Variants in ACYP2 observed in about 807,000 individuals in gnomAD.
ACYP2 encodes acylphosphatase 2, also known as acylphosphatase-2.
Under a neutral mutation model 11.2 loss-of-function variants are expected in ACYP2, and 12 were observed. That is an observed-to-expected ratio of 1.08 (90% confidence interval 0.69 to 1.74). The LOEUF (loss-of-function observed/expected upper bound fraction) is 1.74. Among genes scored for constraint, ACYP2 ranks in the 40% most tolerant of loss-of-function variants. The pLI is 0.00. For synonymous variants in ACYP2, 43 were observed against 32.2 expected (o/e 1.33, Z -1.13); for missense variants, 134 against 101.9 (o/e 1.31, Z -1.35).
chr2:54,088,396 A>AG (rs1335592275), intron 4 of ACYP2, among the ~76,000 whole-genome samples: 1 of 152,142 alleles, frequency 6.6e-6, no homozygotes, highest in Non-Finnish European at 1.5e-5. Flanking sequence ...CTGCAATGAA[A>AG]GGGGCCCCAC....
At chr2:54,198,411 A>G (rs1296478714) in intron 6 of ACYP2, among the ~76,000 whole-genome samples, 1 of 152,172 alleles carries the variant, frequency 6.6e-6, no homozygotes, top group African/African-American at 2.4e-5. Flanking sequence ...GAAGGAGGCT[A>G]TCATATGGTT....
At position 54,165,881 on chromosome 2, in the gene ACYP2, G is replaced by C. The variant is rs374637021; in HGVS notation, c.404+27133G>C. On this transcript the variant is annotated intron_variant, in intron 6 of 6. Coordinates refer to ENST00000607452, the MANE Select transcript of ACYP2 (RefSeq NM_001320586.2). ...CAATGATTACCGGCCATTTTACAGAGGGTTATCTCTCTAAAAGTCCTAGAA... is the reference window on the plus strand; with the variant it reads ...CAATGATTACCGGCCATTTTACAGACGGTTATCTCTCTAAAAGTCCTAGAA... 3.9e-5 allele frequency among the ~76,000 whole-genome samples: 6 copies of C among 152,192 alleles called. No individual in the cohort carries two copies. In the South Asian group the frequency reaches 1.2e-3, roughly 32 times the overall value.
intron 4 of ACYP2, among the ~76,000 whole-genome samples, chr2:54,109,499 A>G (rs541714959): frequency 6.6e-6 from 1 of 152,260 alleles, no homozygotes; most frequent in African/African-American, 2.4e-5. Context: ...AATCTCAGAA[A>G]TCACCACTAA....
At chr2:54,086,194 C>T (rs1054533797) in intron 4 of ACYP2, among the ~76,000 whole-genome samples, 10 of 152,182 alleles carry the variant, frequency 6.6e-5, no homozygotes. Context: ...ATCCACCAGA[C>T]TCAGCCTCCC....
intron 6 of ACYP2, among the ~76,000 whole-genome samples, chr2:54,177,897 CTTTCTTTATTTT>C (rs1215480341): frequency 8.9e-6 from 1 of 112,044 alleles, no homozygotes; most frequent in African/African-American, 3.2e-5. Flanking sequence ...TCTTTTCTTT[CTTTCTTTATTTT>C]TTTTTTTTTT....
intron 6 of ACYP2, among the ~76,000 whole-genome samples, chr2:54,160,535 C>A (rs1169257046): frequency 6.6e-6 from 1 of 152,188 alleles, no homozygotes; most frequent in Admixed American, 6.5e-5. Flanking sequence ...TCTTTGAATT[C>A]CCAGTGCCTT....
At chr2:54,225,870 G>A (rs1430010990) in intron 6 of ACYP2, among the ~76,000 whole-genome samples, 1 of 152,064 alleles carries the variant, frequency 6.6e-6, no homozygotes, top group Non-Finnish European at 1.5e-5. Context: ...TGGAGTGAGG[G>A]GAGACATTCC....
At chr2:54,204,225 C>T (rs1342032512) in intron 6 of ACYP2, among the ~76,000 whole-genome samples, 1 of 151,954 alleles carries the variant, frequency 6.6e-6, no homozygotes, top group Non-Finnish European at 1.5e-5. Context: ...TCTCGAACTC[C>T]TGACCTCATG....
At chr2:54,164,705 G>A (rs115770153) in intron 6 of ACYP2, among the ~76,000 whole-genome samples, 1,667 of 152,266 alleles carry the variant, frequency 0.011, 18 homozygotes, top group Non-Finnish European at 0.016. Flanking sequence ...GTTTTGTTAT[G>A]TTTTTGTTTT....
intron 3 of ACYP2, chr2:54,051,213 G>A (rs979909139): frequency 1.1e-5 from 9 of 822,876 alleles, no homozygotes; most frequent in South Asian, 5.6e-5. Flanking sequence ...CTAAAAATGG[G>A]CAAAGGAGAT....
At chr2:54,134,986 T>C (rs1203735109) in intron 4 of ACYP2, among the ~76,000 whole-genome samples, 3 of 152,252 alleles carry the variant, frequency 2.0e-5, no homozygotes, top group African/African-American at 4.8e-5. Flanking sequence ...TGTTTTTCTT[T>C]CCTTATCAAG....
chr2:54,133,147 C>T (rs1175048983), intron 4 of ACYP2, among the ~76,000 whole-genome samples: 1 of 152,208 alleles, frequency 6.6e-6, no homozygotes, highest in Non-Finnish European at 1.5e-5. Context: ...TTGTAGCACT[C>T]TCCCCTCTAC....
intron 6 of ACYP2, 56 bp downstream of exon 3, chr2:54,138,804 GT>G (rs555404096): frequency 2.2e-4 from 321 of 1,456,148 alleles, no homozygotes; most frequent in Non-Finnish European, 2.9e-4. Flanking sequence ...CTGTTTTTTA[GT>G]TTTTTAAGAC....
chr2:54,000,776 C>T (rs539483663), intron 2 of ACYP2, among the ~76,000 whole-genome samples: 10 of 152,190 alleles, frequency 6.6e-5, no homozygotes, highest in Non-Finnish European at 1.3e-4. Flanking sequence ...TTTCCACTTA[C>T]GTCACTTCCA....
At position 54,274,625 on chromosome 2, in the gene ACYP2, CAAAAAA is replaced by C. The variant is rs70944155; in HGVS notation, c.405-30040_405-30035del. On this transcript the variant is annotated intron_variant, in intron 6 of 6. Transcript: ENST00000607452. Reference sequence around the variant, plus strand: ...TGGGTGACAGAGCAAGACTCCATCTCAAAAAAAAAAAAAAAAAAAAAAAAAAAAGTT... The same window carrying C: ...TGGGTGACAGAGCAAGACTCCATCTCAAAAAAAAAAAAAAAAAAAAAAGTT... 2.7e-4 allele frequency among the ~76,000 whole-genome samples: 10 copies of C among 37,682 alleles called. 1 individual carries two copies. The highest frequency in any genetic ancestry group is 9.7e-4 in the African/African-American group (8 of 8,240). The allele number at this position is 37,682 out of a possible 152,430, so 24.7% of individuals were successfully genotyped here.
intron 6 of ACYP2, among the ~76,000 whole-genome samples, chr2:54,263,351 C>G (rs1015517459): frequency 1.3e-5 from 2 of 152,168 alleles, no homozygotes; most frequent in South Asian, 4.1e-4. Context: ...AGAAGCTGCC[C>G]CCATGATCCA....
At chr2:54,147,737 C>T (rs1484429899) in intron 6 of ACYP2, among the ~76,000 whole-genome samples, 2 of 152,078 alleles carry the variant, frequency 1.3e-5, no homozygotes, top group Admixed American at 1.3e-4. Flanking sequence ...GTTGTCTATG[C>T]TGGTCTTCAA....
At chr2:54,024,385 C>T (rs1352472104) in intron 2 of ACYP2, among the ~76,000 whole-genome samples, 1 of 152,034 alleles carries the variant, frequency 6.6e-6, no homozygotes, top group African/African-American at 2.4e-5. Context: ...AAAAGATAAT[C>T]CACCATGATC....
At chr2:53,995,488 T>TTTATTTATTTATTTATTTA (rs1672530499) in intron 2 of ACYP2, among the ~76,000 whole-genome samples, 1 of 145,070 alleles carries the variant, frequency 6.9e-6, no homozygotes, top group East Asian at 2.0e-4. Context: ...TTTATTTATT[T>TTTATTTATTTATTTATTTA]TTTATTTATT....
Sources: gnomAD v4.1 joint callset for allele counts (sites outside exome capture counted in the v4.1 genomes callset) on GRCh38, gnomAD v4.1.1 for gene constraint, MANE v1.5 for transcripts, NCBI Gene and HGNC (gene_info 2026-07-23, HGNC 2026-07-21) for gene names.